Variants in LYPLA1 observed in about 807,000 individuals in gnomAD.
LYPLA1 encodes the protein acyl-protein thioesterase 1.
In LYPLA1, 17 loss-of-function variants were observed where a neutral mutation model predicts 34.0. The observed-to-expected ratio is 0.50, with a 90% CI of 0.34 to 0.75. LYPLA1 has a LOEUF of 0.75. LYPLA1 is among the 30% of genes least tolerant of loss of function. The probability of loss-of-function intolerance (pLI) is 0.01; values close to 1 mark genes in which losing one functional copy is unlikely to be tolerated. For synonymous variants in LYPLA1, 98 were observed against 100.8 expected, an observed-to-expected ratio of 0.97 and a Z score of 0.17; for missense variants, 203 against 288.8, an observed-to-expected ratio of 0.70 and a Z score of 2.15.
At chr8:54,061,970 T>C (rs10101097) in intron 5 of LYPLA1, among the ~76,000 whole-genome samples, 58,420 of 152,008 alleles carry the variant, frequency 0.38, 15,959 homozygotes, top group East Asian at 0.74. Context: ...ACTATCCTGC[T>C]TCATCCTCTC....
rs199641891 is a variant in LYPLA1 at position 54,065,812 on chromosome 8, G to A, written c.103C>T (p.His35Tyr). ...IFLHGLGDTG[H>Y]GWAEAFAGIR... is the part of the protein sequence containing the mutation. Reference sequence around the variant, plus strand: ...CCTGCAAAGGCTTCTGCCCATCCGTGCCTGGTGGAAAAATCATTGAATAAT... The same window carrying A: ...CCTGCAAAGGCTTCTGCCCATCCGTACCTGGTGGAAAAATCATTGAATAAT... The change falls in exon 3 of 9, where the codon CAC becomes TAC. Residue 35 changes from histidine to tyrosine, a missense_variant and splice_region_variant. Around this residue, in one of 3 missense-constraint regions of LYPLA1, gnomAD observed 75 missense variants for 73.5 expected, o/e 1.02. Transcript: ENST00000316963. 1.2e-4 allele frequency: 195 copies of A among 1,612,602 alleles called. No homozygotes were observed. In the Admixed American group the frequency reaches 3.1e-3, roughly 26 times the overall value.
At chr8:54,083,885 C>A (rs1175370517) in intron 2 of LYPLA1, among the ~76,000 whole-genome samples, 1 of 151,942 alleles carries the variant, frequency 6.6e-6, no homozygotes, top group African/African-American at 2.4e-5. Context: ...CGCCTGTAAT[C>A]CCAGCACTTT....
chr8:54,070,506 C>T (rs1807381958), intron 2 of LYPLA1, among the ~76,000 whole-genome samples: 1 of 152,144 alleles, frequency 6.6e-6, no homozygotes, highest in Non-Finnish European at 1.5e-5. Flanking sequence ...GGCAGATCAC[C>T]TGAGGTCAGG....
At chr8:54,087,562 C>A (rs769650294) in intron 2 of LYPLA1, among the ~76,000 whole-genome samples, 9 of 152,142 alleles carry the variant, frequency 5.9e-5, no homozygotes, top group Non-Finnish European at 8.8e-5. Flanking sequence ...AAACATACTA[C>A]CAAAAGGGTG....
rs762387818 is a variant in LYPLA1, at chr8:54,051,075, C to G, written c.576G>C (p.Leu192Phe). 2.5e-6 allele frequency: 4 copies of G among 1,613,722 alleles called. No homozygotes were observed. The African/African-American group carries it at 5.3e-5, about 22-fold the overall frequency. The change falls in exon 8 of 9, where the codon TTG becomes TTC. Residue 192 changes from leucine to phenylalanine, a missense_variant. By Grantham distance (22) the Leu-to-Phe change is conservative (BLOSUM62 0). Around this residue, in one of 3 missense-constraint regions of LYPLA1, gnomAD observed 123 missense variants for 199.2 expected, o/e 0.62. Coordinates refer to ENST00000316963, the MANE Select transcript of LYPLA1 (RefSeq NM_006330.4). ...TAAAGGTCACATTGGCTGGATTCAC[C>G]AATGTTTTTAGTTTTTCCACCGTAA... ...GSLTVEKLKT[L>F]VNPANVTFKT...
intron 2 of LYPLA1, among the ~76,000 whole-genome samples, chr8:54,082,466 T>A (rs1280220724): frequency 6.6e-6 from 1 of 152,182 alleles, no homozygotes; most frequent in Non-Finnish European, 1.5e-5. Flanking sequence ...GAGACTATAT[T>A]GTATCTACAG....
chr8:54,055,218 G>A (rs1475514046), intron 5 of LYPLA1, 85 bp from the exon 6 acceptor site: 2 of 728,630 alleles, frequency 2.7e-6, no homozygotes, highest in African/African-American at 1.8e-5. Context: ...ATTAGTAATA[G>A]AAAAGCGCAA....
rs1810063661 is a variant in LYPLA1 at position 54,100,728 on chromosome 8, G to A, written c.101+180C>T. ...AGAGTTAAAAAATCAATAAACTCAC[G>A]ATGATAAGGGGAAAATTCTGAGGGT... is the stretch of plus-strand genomic sequence containing the variant. On this transcript the variant is annotated intron_variant, in intron 2 of 8. Transcript: ENST00000316963. The A allele has an allele frequency of 5.1e-6, 3 of 593,480 alleles. No homozygotes were observed. In the East Asian group the frequency reaches 9.3e-5, roughly 18 times the overall value. The allele number at this position is 593,480 out of a possible 1,614,324, so 36.8% of individuals were successfully genotyped here.
intron 2 of LYPLA1, among the ~76,000 whole-genome samples, chr8:54,095,358 ATATTCGGCAAC>A (rs1809602792): frequency 6.6e-6 from 1 of 152,150 alleles, no homozygotes; most frequent in Non-Finnish European, 1.5e-5. Context: ...ATATCATAAG[ATATTCGGCAAC>A]TACCACAACA....
chr8:54,074,267 T>C (rs1002915584), intron 2 of LYPLA1, among the ~76,000 whole-genome samples: 1 of 152,190 alleles, frequency 6.6e-6, no homozygotes, highest in African/African-American at 2.4e-5. Context: ...GAGCCTTTAA[T>C]AGTCATAGAT....
chr8:54,062,888 C>A (rs1806763911), intron 4 of LYPLA1, among the ~76,000 whole-genome samples: 1 of 152,062 alleles, frequency 6.6e-6, no homozygotes, highest in Non-Finnish European at 1.5e-5. Context: ...CTGGAAGTAG[C>A]ACATAGGAAC....
chr8:54,053,788 A>G, intron 6 of LYPLA1: 1 of 454,090 alleles, frequency 2.2e-6, no homozygotes, highest in East Asian at 7.0e-5. Flanking sequence ...AGAGATGGTG[A>G]GCAAGGCCCA....
In LYPLA1 at chr8:54,050,883, ACTG is replaced by A. The variant is rs547355282; in HGVS notation, c.639+126_639+128del. On this transcript the variant is annotated intron_variant, in intron 8 of 8. Coordinates refer to ENST00000316963, the MANE Select transcript of LYPLA1 (RefSeq NM_006330.4). ...AAGTTGAATACACACTCATCTAATG[ACTG>A]CTAACTTATGACTCAATATGAATTA... The A allele has an allele frequency of 6.2e-4, 560 of 909,498 alleles. 2 individuals are homozygous for A. The African/African-American group carries it at 7.6e-3, about 12-fold the overall frequency. 56.3% of individuals were successfully genotyped at this position (909,498 alleles called of 1,614,324 possible). A position where few individuals can be genotyped will look rare whatever the true frequency, so the allele number is the denominator to read the frequency against.
chr8:54,070,902 G>A (rs1357041077), intron 2 of LYPLA1, among the ~76,000 whole-genome samples: 1 of 152,160 alleles, frequency 6.6e-6, no homozygotes, highest in Non-Finnish European at 1.5e-5. Context: ...TTGAGGCAAT[G>A]AAAATGTTCT....
chr8:54,082,272 G>T (rs930342538), intron 2 of LYPLA1, among the ~76,000 whole-genome samples: 2 of 152,114 alleles, frequency 1.3e-5, no homozygotes, highest in African/African-American at 4.8e-5. Context: ...TAAGACAGAG[G>T]ACAGGTTTTC....
At chr8:54,062,365 T>C in intron 4 of LYPLA1, 41 bp from the exon 5 acceptor site, 1 of 1,325,654 alleles carries the variant, frequency 7.5e-7, no homozygotes, top group Non-Finnish European at 1.1e-6. Flanking sequence ...AAGAAAAATC[T>C]ATTATTGTAG....
chr8:54,084,133 A>AAAAATATAT (rs1373090573), intron 2 of LYPLA1, among the ~76,000 whole-genome samples: 2 of 120,484 alleles, frequency 1.7e-5, no homozygotes, highest in African/African-American at 9.2e-5. Flanking sequence ...AGAAAAAAAA[A>AAAAATATAT]ATAAATAAAT....
intron 2 of LYPLA1, among the ~76,000 whole-genome samples, chr8:54,071,560 A>G (rs1335495944): frequency 1.3e-5 from 2 of 152,232 alleles, no homozygotes; most frequent in African/African-American, 4.8e-5. Context: ...AGATGAACCA[A>G]GGAAGCTCCA....
intron 6 of LYPLA1, chr8:54,053,470 C>T (rs1470188137): frequency 2.6e-6 from 1 of 381,504 alleles, no homozygotes; most frequent in Non-Finnish European, 5.2e-6. Flanking sequence ...GAGTATCTGC[C>T]TACCCAGCTC....
Sources: gnomAD v4.1 joint callset for allele counts (sites outside exome capture counted in the v4.1 genomes callset) on GRCh38, gnomAD v4.1.1 for gene constraint, gnomAD v4.1.1 regional missense constraint, MANE v1.5 for transcripts, NCBI Gene and HGNC (gene_info 2026-07-23, HGNC 2026-07-21) for gene names.